The following ARHGAP17 variants were observed in gnomAD, a reference collection of about 807,000 sequenced individuals.
ARHGAP17 encodes Rho GTPase activating protein 17, also known as rho GTPase-activating protein 17.
Under a neutral mutation model 99.5 loss-of-function variants are expected in ARHGAP17, and 57 were observed. That is an observed-to-expected ratio of 0.57 (90% CI 0.46 to 0.71). The LOEUF (loss-of-function observed/expected upper bound fraction) is 0.71, where lower values mean the gene tolerates loss of function less well. ARHGAP17 is among the 30% of genes least tolerant of loss of function. The probability of loss-of-function intolerance (pLI) is 0.00; values close to 1 mark genes in which losing one functional copy is unlikely to be tolerated. For synonymous variants in ARHGAP17, 417 were observed against 429.6 expected (o/e 0.97, Z 0.36); for missense variants, 1,000 against 1,122.4 (o/e 0.89, Z 1.56).
intron 10 of ARHGAP17, among the ~76,000 whole-genome samples, chr16:24,953,468 GT>G (rs1171519355): frequency 6.6e-6 from 1 of 152,130 alleles, no homozygotes; most frequent in Non-Finnish European, 1.5e-5. Flanking sequence ...CCCTTTTGCT[GT>G]TCTTGTGATA....
At chr16:24,962,649 A>G (rs12447003) in intron 7 of ARHGAP17, among the ~76,000 whole-genome samples, 5,590 of 152,304 alleles carry the variant, frequency 0.037, 165 homozygotes, top group Non-Finnish European at 0.051. Flanking sequence ...AAATGAGTTC[A>G]AATAATTACA....
chr16:24,986,712 C>T (rs1188952755), intron 1 of ARHGAP17, among the ~76,000 whole-genome samples: 3 of 152,172 alleles, frequency 2.0e-5, no homozygotes, highest in Non-Finnish European at 4.4e-5. Context: ...GCTGGCCAAC[C>T]CCAGGTCTCT....
intron 6 of ARHGAP17, 77 bp from the exon 7 acceptor site, chr16:24,964,385 A>C (rs2052108167): frequency 1.0e-6 from 1 of 968,026 alleles, no homozygotes; most frequent in African/African-American, 1.6e-5. Context: ...CCTGGTGGAG[A>C]TAGATCCTTC....
At chr16:24,943,649 C>T (rs2051379846) in intron 15 of ARHGAP17, 122 bp downstream of exon 15, 1 of 797,098 alleles carries the variant, frequency 1.3e-6, no homozygotes, top group Admixed American at 2.5e-5. Context: ...TGGAAAGAAA[C>T]ATGAAAAAGT....
intron 3 of ARHGAP17, among the ~76,000 whole-genome samples, chr16:24,974,392 G>A (rs1304700504): frequency 3.3e-5 from 5 of 152,160 alleles, no homozygotes; most frequent in Admixed American, 2.0e-4. Context: ...ATCAACCACT[G>A]CGCTCCAGCC....
At chr16:24,964,356 TCAA>T (rs1457199606) in intron 6 of ARHGAP17, 48 bp from the exon 7 acceptor site, 1 of 1,305,222 alleles carries the variant, frequency 7.7e-7, no homozygotes, top group Non-Finnish European at 1.1e-6. Context: ...CTGTGTATAC[TCAA>T]CAGCTGGAGG....
chr16:24,953,523 C>G (rs751994340), intron 10 of ARHGAP17, among the ~76,000 whole-genome samples: 8 of 152,108 alleles, frequency 5.3e-5, no homozygotes, highest in Non-Finnish European at 7.4e-5. Flanking sequence ...AAGTGTGTAG[C>G]AACTCCCCCT....
chr16:24,966,493 T>C (rs2052184297), intron 6 of ARHGAP17, among the ~76,000 whole-genome samples: 1 of 151,990 alleles, frequency 6.6e-6, no homozygotes, highest in Non-Finnish European at 1.5e-5. Context: ...ATTAGCCAGG[T>C]GTGGTGGCAC....
At chr16:24,985,364 A>T (rs1412646217) in intron 1 of ARHGAP17, among the ~76,000 whole-genome samples, 1 of 152,232 alleles carries the variant, frequency 6.6e-6, no homozygotes, top group Non-Finnish European at 1.5e-5. Context: ...GTCTCCCTGG[A>T]CTACGATCAA....
chr16:24,995,898 T>C (rs369237418), intron 1 of ARHGAP17, among the ~76,000 whole-genome samples: 53 of 152,292 alleles, frequency 3.5e-4, no homozygotes, highest in African/African-American at 1.1e-3. Context: ...CTTTTTCTTC[T>C]CTTTTTTTTA....
intron 1 of ARHGAP17, among the ~76,000 whole-genome samples, chr16:24,985,143 T>G (rs1419689700): frequency 6.6e-6 from 1 of 152,150 alleles, no homozygotes; most frequent in African/African-American, 2.4e-5. Flanking sequence ...TACTGGTCTC[T>G]GTAGGCTAGA....
intron 14 of ARHGAP17, among the ~76,000 whole-genome samples, chr16:24,946,124 C>G (rs2051465169): frequency 6.6e-6 from 1 of 152,142 alleles, no homozygotes; most frequent in Non-Finnish European, 1.5e-5. Context: ...CCCGACCCCT[C>G]CTCTATTCAA....
chr16:25,009,640 T>C (rs1305910601), intron 1 of ARHGAP17, among the ~76,000 whole-genome samples: 1 of 152,086 alleles, frequency 6.6e-6, no homozygotes, highest in Admixed American at 6.5e-5. Context: ...AACTACCTAG[T>C]GAGTGGTCCA....
chr16:25,001,956 C>A (rs996538898), intron 1 of ARHGAP17, among the ~76,000 whole-genome samples: 2 of 151,962 alleles, frequency 1.3e-5, no homozygotes, highest in African/African-American at 4.8e-5. Context: ...TGGTGGGCAC[C>A]TATAATCCCA....
intron 19 of ARHGAP17, among the ~76,000 whole-genome samples, chr16:24,924,867 AT>A (rs901698773): frequency 4.0e-5 from 6 of 149,510 alleles, no homozygotes; most frequent in African/African-American, 1.5e-4. Context: ...AGTCTCAAAA[AT>A]AAAAAAAAAT....
intron 12 of ARHGAP17, among the ~76,000 whole-genome samples, chr16:24,951,513 G>A (rs2051643761): frequency 6.6e-6 from 1 of 152,048 alleles, no homozygotes; most frequent in South Asian, 2.1e-4. Context: ...AAAATTCCTG[G>A]AGATCTCGGA....
rs180707951 is a variant in ARHGAP17, at chr16:24,960,937, T to A, written c.574-958A>T. On this transcript the variant is annotated intron_variant, in intron 7 of 19. Transcript: ENST00000289968. ...CCCAAGCTGAAGTGCAGTGGCACAA[T>A]CTTGGCTCACTGAAACCTCCACCTC... Among the ~76,000 whole-genome samples the A allele has an allele frequency of 3.2e-3, 491 of 152,224 alleles. 1 individual carries two copies. Among genetic ancestry groups the A allele is most frequent in the African/African-American group, 0.012 (480 of 41,548 alleles).
In ARHGAP17 at chr16:24,939,355, C is replaced by G; in HGVS notation, c.1724+9G>C. Reference sequence around the variant, plus strand: ...AGCCTCCACTGCCAGCAGAAGTCAGCCTCCTTACCTGCCGTCGCCTGGGCT... The same window carrying G: ...AGCCTCCACTGCCAGCAGAAGTCAGGCTCCTTACCTGCCGTCGCCTGGGCT... On this transcript the variant is annotated intron_variant, in intron 17 of 19. Transcript: ENST00000289968. The G allele has an allele frequency of 5.7e-6, 9 of 1,589,464 alleles. No individual in the cohort carries two copies. Among genetic ancestry groups the G allele is most frequent in the Non-Finnish European group, 7.7e-6 (9 of 1,174,240 alleles).
intron 19 of ARHGAP17, chr16:24,927,836 T>C: frequency 2.8e-6 from 1 of 362,260 alleles, no homozygotes; most frequent in Non-Finnish European, 4.9e-6. Context: ...TTAAAACTCT[T>C]ACTGCTCTCT....
Sources: gnomAD v4.1 joint callset for allele counts (sites outside exome capture counted in the v4.1 genomes callset) on GRCh38, gnomAD v4.1.1 for gene constraint, MANE v1.5 for transcripts, NCBI Gene and HGNC (gene_info 2026-07-23, HGNC 2026-07-21) for gene names.